NRXN3: variants seen among roughly 807,000 people sequenced by gnomAD.
The protein encoded by NRXN3 is neurexin III.
A neutral mutation model predicts 137.6 loss-of-function variants in NRXN3; 32 were observed. The ratio of observed to expected loss-of-function variants is 0.23; its 90% CI spans 0.18 to 0.31. The LOEUF is 0.31. NRXN3 is among the 10% of genes least tolerant of loss of function. The pLI is 1.00. For synonymous variants in NRXN3, 798 were observed against 784.5 expected (o/e 1.02, Z -0.29); for missense variants, 1,574 against 2,062.5 (o/e 0.76, Z 4.59).
chr14:78,816,705 A>C (rs539353108), intron 10 of NRXN3, among the ~76,000 whole-genome samples: 10 of 152,334 alleles, frequency 6.6e-5, no homozygotes, highest in Admixed American at 1.3e-4. Flanking sequence ...AGATAAGTGC[A>C]TTATAAATAT....
chr14:78,411,808 C>T (rs2092845320), intron 4 of NRXN3, among the ~76,000 whole-genome samples: 1 of 152,176 alleles, frequency 6.6e-6, no homozygotes, highest in African/African-American at 2.4e-5. Flanking sequence ...AGGGTTGACC[C>T]TGTTTTCATG....
At chr14:78,524,662 C>T (rs565136769) in intron 4 of NRXN3, among the ~76,000 whole-genome samples, 1 of 152,278 alleles carries the variant, frequency 6.6e-6, no homozygotes, top group East Asian at 1.9e-4. Flanking sequence ...AAACACATCA[C>T]TCTGAAACTT....
intron 6 of NRXN3, among the ~76,000 whole-genome samples, chr14:78,657,654 A>T (rs1011102590): frequency 1.3e-5 from 2 of 152,234 alleles, no homozygotes; most frequent in African/African-American, 4.8e-5. Context: ...AGCCAGAGAT[A>T]GTCTCTGAAC....
At chr14:79,039,620 C>A (rs1432970266) in intron 15 of NRXN3, among the ~76,000 whole-genome samples, 3 of 152,132 alleles carry the variant, frequency 2.0e-5, no homozygotes, top group African/African-American at 7.2e-5. Context: ...TCACCACATT[C>A]AATCAAACTT....
intron 19 of NRXN3, among the ~76,000 whole-genome samples, chr14:79,724,996 G>T (rs928434224): frequency 6.6e-6 from 1 of 152,148 alleles, no homozygotes; most frequent in Non-Finnish European, 1.5e-5. Flanking sequence ...AAGCAGAAAG[G>T]TAGGATTGAT....
intron 1 of NRXN3, among the ~76,000 whole-genome samples, chr14:78,173,165 T>A (rs1337726803): frequency 1.3e-5 from 2 of 151,824 alleles, no homozygotes; most frequent in South Asian, 2.1e-4. Flanking sequence ...CAAACGGGGA[T>A]GTGGGGGGAG....
chr14:78,834,248 T>C (rs1020375013), intron 10 of NRXN3, among the ~76,000 whole-genome samples: 7 of 152,088 alleles, frequency 4.6e-5, no homozygotes, highest in Admixed American at 1.3e-4. Context: ...CCGTTATGTA[T>C]TGCAAAGTTT....
intron 15 of NRXN3, among the ~76,000 whole-genome samples, chr14:79,358,636 A>AGAAAGAAAGAAG (rs2093558251): frequency 6.6e-6 from 1 of 150,752 alleles, no homozygotes; most frequent in African/African-American, 2.4e-5. Context: ...AAAGAAAGAA[A>AGAAAGAAAGAAG]GAAAGAAAGA....
intron 16 of NRXN3, among the ~76,000 whole-genome samples, chr14:79,549,483 T>C (rs956606994): frequency 1.3e-5 from 2 of 152,170 alleles, no homozygotes; most frequent in Admixed American, 1.3e-4. Context: ...TTCCCTGAGC[T>C]TGTTCCTTCC....
chr14:78,620,496 C>G (rs1417227252), intron 4 of NRXN3, among the ~76,000 whole-genome samples: 4 of 152,134 alleles, frequency 2.6e-5, no homozygotes, highest in Admixed American at 2.0e-4. Flanking sequence ...CAGTTGGTGG[C>G]TACGACCACA....
intron 4 of NRXN3, among the ~76,000 whole-genome samples, chr14:78,382,329 A>T (rs2089272303): frequency 6.6e-6 from 1 of 152,202 alleles, no homozygotes; most frequent in Admixed American, 6.5e-5. Flanking sequence ...GGGCTGATGG[A>T]TAGAGATACT....
chr14:79,618,492 G>C (rs2098186733), intron 16 of NRXN3, among the ~76,000 whole-genome samples: 1 of 151,924 alleles, frequency 6.6e-6, no homozygotes, highest in Non-Finnish European at 1.5e-5. Flanking sequence ...GCCTCCAGGT[G>C]CATCCATGTT....
At chr14:78,897,356 T>C (rs2099180176) in intron 10 of NRXN3, among the ~76,000 whole-genome samples, 1 of 152,022 alleles carries the variant, frequency 6.6e-6, no homozygotes, top group Non-Finnish European at 1.5e-5. Flanking sequence ...TGCTTTTTTT[T>C]TCTTTCTTTT....
intron 19 of NRXN3, chr14:79,760,642 C>T (rs1264939594): frequency 6.6e-6 from 1 of 151,428 alleles, no homozygotes; most frequent in African/African-American, 2.4e-5. Context: ...AAAGAAAGAG[C>T]CTTACCCGGG....
chr14:79,050,961 G>T (rs1165365961), intron 15 of NRXN3, among the ~76,000 whole-genome samples: 3 of 152,176 alleles, frequency 2.0e-5, no homozygotes, highest in Admixed American at 6.5e-5. Context: ...AACACTCTGT[G>T]CCCAGAACTC....
At chr14:79,032,838 G>C (rs1227832065) in intron 15 of NRXN3, among the ~76,000 whole-genome samples, 2 of 152,070 alleles carry the variant, frequency 1.3e-5, no homozygotes, top group Non-Finnish European at 2.9e-5. Flanking sequence ...CTTTGCCCTG[G>C]AGCAAGTAAT....
At chr14:78,174,829 C>T (rs1016632698) in intron 1 of NRXN3, among the ~76,000 whole-genome samples, 1 of 152,168 alleles carries the variant, frequency 6.6e-6, no homozygotes, top group Non-Finnish European at 1.5e-5. Flanking sequence ...GTCCACCAAG[C>T]GAACCCGTGG....
At chr14:79,174,938 T>A (rs2153106068) in intron 15 of NRXN3, among the ~76,000 whole-genome samples, 1 of 151,704 alleles carries the variant, frequency 6.6e-6, no homozygotes, top group South Asian at 2.1e-4. Flanking sequence ...AATCAAATTT[T>A]AGATATGTAC....
intron 19 of NRXN3, among the ~76,000 whole-genome samples, chr14:79,714,042 A>G (rs939759736): frequency 3.3e-5 from 5 of 152,154 alleles, no homozygotes; most frequent in African/African-American, 1.2e-4. Flanking sequence ...ATATTTATTT[A>G]CTTTACCTTA....
Sources: gnomAD v4.1 joint callset for allele counts (sites outside exome capture counted in the v4.1 genomes callset) on GRCh38, gnomAD v4.1.1 for gene constraint, MANE v1.5 for transcripts, NCBI Gene and HGNC (gene_info 2026-07-23, HGNC 2026-07-21) for gene names.